The following CNGB1 variants were observed in gnomAD, a reference collection of about 807,000 sequenced individuals.
CNGB1 encodes the protein cyclic nucleotide-gated channel beta-1.
CNGB1 carries 126 observed loss-of-function variants against 151.7 expected under a neutral mutation model. The observed-to-expected ratio is 0.83, with a 90% CI of 0.72 to 0.96. The LOEUF is 0.96. Ranked by LOEUF, CNGB1 falls within the 40% of genes least tolerant of loss-of-function variation. The pLI, the probability that CNGB1 is intolerant of heterozygous loss-of-function variation, is 0.00. For missense variants in CNGB1, 1,698 were observed against 1,627.0 expected, an observed-to-expected ratio of 1.04 and a Z score of -0.75; for synonymous variants, 623 against 635.1, an observed-to-expected ratio of 0.98 and a Z score of 0.29.
rs769014465 is a variant in CNGB1 at position 57,963,071 on chromosome 16, T to C, written c.291-7A>G. On this transcript the variant is annotated splice_polypyrimidine_tract_variant and splice_region_variant and intron_variant, in intron 4 of 32. Transcript: ENST00000251102. ...CAGTACCCTGCGGCTGGGACTGCGATGGACAGAGACACCAGCCCGCCCTCA... is the reference window on the plus strand; with the variant it reads ...CAGTACCCTGCGGCTGGGACTGCGACGGACAGAGACACCAGCCCGCCCTCA... 1.9e-6 allele frequency: 3 copies of C among 1,608,578 alleles called. No homozygotes were observed. Among genetic ancestry groups the C allele is most frequent in the Non-Finnish European group, 2.5e-6 (3 of 1,176,586 alleles).
chr16:57,941,507 C>T (rs1395615453), intron 14 of CNGB1, among the ~76,000 whole-genome samples: 4 of 152,214 alleles, frequency 2.6e-5, no homozygotes, highest in East Asian at 1.9e-4. Flanking sequence ...TCCTGGGCTG[C>T]GTGCCAGGCA....
At chr16:57,956,994 T>C (rs1463188717) in intron 12 of CNGB1, among the ~76,000 whole-genome samples, 2 of 151,978 alleles carry the variant, frequency 1.3e-5, no homozygotes, top group African/African-American at 4.8e-5. Flanking sequence ...CCAAACCCAT[T>C]TGCCAGGGGA....
chr16:57,906,400 TC>T (rs1206465943), intron 25 of CNGB1, among the ~76,000 whole-genome samples: 10 of 152,176 alleles, frequency 6.6e-5, no homozygotes, highest in Admixed American at 2.6e-4. Context: ...TTCGCCCATA[TC>T]CTCAAGAAGC....
intron 19 of CNGB1, 46 bp downstream of exon 19, chr16:57,920,341 C>T (rs771209680): frequency 1.2e-6 from 2 of 1,610,456 alleles, no homozygotes; most frequent in Admixed American, 1.7e-5. Flanking sequence ...TTTGGAGGCC[C>T]CACCCCATCC....
At chr16:57,922,207 G>A (rs937630875) in intron 18 of CNGB1, among the ~76,000 whole-genome samples, 1 of 152,162 alleles carries the variant, frequency 6.6e-6, no homozygotes, top group African/African-American at 2.4e-5. Flanking sequence ...GAAGGAAGAA[G>A]GAAAGCCTAC....
intron 24 of CNGB1, among the ~76,000 whole-genome samples, chr16:57,912,595 G>A (rs1348993841): frequency 1.3e-5 from 2 of 150,754 alleles, no homozygotes; most frequent in Non-Finnish European, 2.9e-5. Context: ...TGTGTGTGTT[G>A]TGTGTGTCAT....
rs1319627337 is a variant in CNGB1, at chr16:57,917,383, G to A, written c.2051C>T (p.Thr684Ile). 3 of 1,613,970 alleles carry A rather than the reference G, an allele frequency of 1.9e-6. No individual in the cohort carries two copies. Among genetic ancestry groups the A allele is most frequent in the African/African-American group, 2.7e-5 (2 of 74,868 alleles). The stretch of plus-strand genomic sequence containing the variant: ...CAGCCAGTGGTGGATGTTGTCCGGG[G>A]TCTGGTAGGGGAAGGCCCAGCGCAC... ...IPVRWAFPYQTPDNIHHWLLM... is the reference protein window; with the variant it reads ...IPVRWAFPYQIPDNIHHWLLM... Residue 684 changes from threonine to isoleucine, a missense_variant, in exon 21 of 33, where the codon ACC becomes ATC. Thr to Ile is a moderately conservative substitution (Grantham distance 89). Coordinates refer to ENST00000251102, the MANE Select transcript of CNGB1 (RefSeq NM_001297.5).
intron 14 of CNGB1, among the ~76,000 whole-genome samples, chr16:57,948,888 G>A (rs570438878): frequency 6.6e-6 from 1 of 152,298 alleles, no homozygotes; most frequent in South Asian, 2.1e-4. Context: ...CTGGGCAGTA[G>A]AGCAGAATCC....
chr16:57,926,075 C>G (rs1375443313), intron 17 of CNGB1, among the ~76,000 whole-genome samples: 3 of 152,202 alleles, frequency 2.0e-5, no homozygotes, highest in African/African-American at 7.2e-5. Context: ...TGGGACCAAG[C>G]CTGACAAGGA....
At chr16:57,926,132 G>A (rs1179251657) in intron 17 of CNGB1, among the ~76,000 whole-genome samples, 1 of 152,204 alleles carries the variant, frequency 6.6e-6, no homozygotes, top group Non-Finnish European at 1.5e-5. Context: ...GAAAACTCCA[G>A]CCAGTCCCCA....
chr16:57,945,008 GC>G (rs1299703459), intron 14 of CNGB1, among the ~76,000 whole-genome samples: 2 of 144,864 alleles, frequency 1.4e-5, no homozygotes, highest in African/African-American at 5.1e-5. Flanking sequence ...TTTTAAAAGA[GC>G]CTAGGGAAAA....
intron 13 of CNGB1, 131 bp from the exon 14 acceptor site, chr16:57,949,570 A>G: frequency 6.8e-7 from 1 of 1,475,016 alleles, no homozygotes; most frequent in Non-Finnish European, 9.4e-7. Context: ...CCAAGGCTCA[A>G]CCTGGGGAGC....
At chr16:57,947,987 C>G (rs1228938861) in intron 14 of CNGB1, among the ~76,000 whole-genome samples, 2 of 152,194 alleles carry the variant, frequency 1.3e-5, no homozygotes, top group Non-Finnish European at 2.9e-5. Flanking sequence ...AGCCTGTGCT[C>G]CTAACACTCA....
At chr16:57,922,721 G>T (rs1280068678) in intron 18 of CNGB1, among the ~76,000 whole-genome samples, 13 of 152,178 alleles carry the variant, frequency 8.5e-5, no homozygotes, top group African/African-American at 3.1e-4. Context: ...GAGCCACCAC[G>T]CCTGGCCGTC....
intron 31 of CNGB1, among the ~76,000 whole-genome samples, chr16:57,894,044 T>A (rs1295352038): frequency 1.3e-5 from 2 of 152,166 alleles, no homozygotes; most frequent in African/African-American, 4.8e-5. Context: ...AAAACCGGCT[T>A]TTCTAAAAAG....
At chr16:57,905,512 T>TG (rs1302918271) in intron 25 of CNGB1, among the ~76,000 whole-genome samples, 2 of 152,292 alleles carry the variant, frequency 1.3e-5, no homozygotes, top group Non-Finnish European at 2.9e-5. Context: ...AAGGGAGGTA[T>TG]GGGGGAGGGT....
At chr16:57,947,204 G>C (rs577063414) in intron 14 of CNGB1, among the ~76,000 whole-genome samples, 1 of 152,238 alleles carries the variant, frequency 6.6e-6, no homozygotes. Context: ...GAGAACATGT[G>C]TATAGTTAGT....
chr16:57,965,223 A>G (rs1962361254), intron 2 of CNGB1, among the ~76,000 whole-genome samples: 2 of 44,010 alleles, frequency 4.5e-5, no homozygotes, highest in Admixed American at 2.5e-4. Flanking sequence ...ACCAACATGC[A>G]TATATACACA....
At chr16:57,956,905 C>A (rs1348711851) in intron 12 of CNGB1, among the ~76,000 whole-genome samples, 3 of 152,150 alleles carry the variant, frequency 2.0e-5, no homozygotes, top group African/African-American at 4.8e-5. Flanking sequence ...GTGACAGGGA[C>A]CCCCTCCAGC....
Sources: gnomAD v4.1 joint callset for allele counts (sites outside exome capture counted in the v4.1 genomes callset) on GRCh38, gnomAD v4.1.1 for gene constraint, MANE v1.5 for transcripts, NCBI Gene and HGNC (gene_info 2026-07-23, HGNC 2026-07-21) for gene names.